The following ZNF407 variants were observed in gnomAD, a reference collection of about 807,000 sequenced individuals.
ZNF407 encodes zinc finger protein 407.
Under a neutral mutation model 131.2 loss-of-function variants are expected in ZNF407, and 17 were observed. That is an observed-to-expected ratio of 0.13 (90% CI 0.09 to 0.19). The LOEUF (loss-of-function observed/expected upper bound fraction) is 0.19, where lower values mean the gene tolerates loss of function less well. Ranked by LOEUF, ZNF407 falls within the 10% of genes least tolerant of loss-of-function variation. The pLI, the probability that ZNF407 is intolerant of heterozygous loss-of-function variation, is 1.00. For synonymous variants in ZNF407, 1,156 were observed against 1,062.0 expected, an observed-to-expected ratio of 1.09 and a Z score of -1.72; for missense variants, 2,681 against 2,830.6, an observed-to-expected ratio of 0.95 and a Z score of 1.20.
chr18:74,659,779 T>C (rs1340077599), intron 3 of ZNF407, among the ~76,000 whole-genome samples: 1 of 152,152 alleles, frequency 6.6e-6, no homozygotes, highest in Non-Finnish European at 1.5e-5. Context: ...AGTGTGTCAG[T>C]ATTAATAAAA....
At chr18:74,796,509 T>C (rs2145060524) in intron 4 of ZNF407, among the ~76,000 whole-genome samples, 1 of 152,320 alleles carries the variant, frequency 6.6e-6, no homozygotes, top group South Asian at 2.1e-4. Context: ...ATGTTCAGTA[T>C]AGTAATGTCG....
At chr18:74,815,534 C>CT (rs1421168587) in intron 4 of ZNF407, among the ~76,000 whole-genome samples, 2 of 152,148 alleles carry the variant, frequency 1.3e-5, no homozygotes, top group African/African-American at 2.4e-5. Context: ...CTGTTTATGT[C>CT]ATACACTAGC....
chr18:74,655,721 G>C (rs1244328439), intron 3 of ZNF407, among the ~76,000 whole-genome samples: 1 of 152,174 alleles, frequency 6.6e-6, no homozygotes, highest in African/African-American at 2.4e-5. Flanking sequence ...GTGTGTGGGT[G>C]TGAGTGCACA....
At chr18:74,886,733 A>G (rs957927848) in intron 6 of ZNF407, among the ~76,000 whole-genome samples, 1 of 152,222 alleles carries the variant, frequency 6.6e-6, no homozygotes, top group African/African-American at 2.4e-5. Flanking sequence ...TGGTGGCTTG[A>G]CAAAGGGATG....
chr18:74,999,216 G>A (rs1194867486), intron 8 of ZNF407, among the ~76,000 whole-genome samples: 1 of 92,318 alleles, frequency 1.1e-5, no homozygotes, highest in Non-Finnish European at 2.2e-5. Context: ...GGGGAGGGGG[G>A]AGGGATAGCA....
At chr18:74,846,720 A>G (rs1370297863) in intron 4 of ZNF407, among the ~76,000 whole-genome samples, 2 of 151,420 alleles carry the variant, frequency 1.3e-5, no homozygotes, top group African/African-American at 4.9e-5. Flanking sequence ...ACAGCCAGGC[A>G]CCTTGGCTCA....
chr18:74,789,661 T>G (rs1487572067), intron 4 of ZNF407, among the ~76,000 whole-genome samples: 1 of 152,150 alleles, frequency 6.6e-6, no homozygotes, highest in African/African-American at 2.4e-5. Flanking sequence ...CCTGGGCTGG[T>G]GGATTCGCAG....
At chr18:75,025,465 G>A (rs1973160035) in intron 8 of ZNF407, among the ~76,000 whole-genome samples, 1 of 152,152 alleles carries the variant, frequency 6.6e-6, no homozygotes, top group Non-Finnish European at 1.5e-5. Flanking sequence ...TATCAGCATA[G>A]GGTTATAAAT....
chr18:75,053,614 G>A (rs1973527311), intron 8 of ZNF407, among the ~76,000 whole-genome samples: 1 of 152,202 alleles, frequency 6.6e-6, no homozygotes, highest in Non-Finnish European at 1.5e-5. Context: ...CAGATACTCT[G>A]CAACTTTCAA....
chr18:74,677,988 T>G (rs1010748500), intron 3 of ZNF407, among the ~76,000 whole-genome samples: 2 of 152,060 alleles, frequency 1.3e-5, no homozygotes, highest in African/African-American at 4.8e-5. Flanking sequence ...GCCTGGCTAA[T>G]TTTTGTATTT....
Position 74,863,144 on chromosome 18 carries a change from C to T in ZNF407, c.4878-14053C>T, listed in dbSNP as rs549150862. On this transcript the variant is annotated intron_variant, in intron 4 of 8. Coordinates refer to ENST00000299687, the MANE Select transcript of ZNF407 (RefSeq NM_017757.3). ...CCATGTTGACCAGGCTGGTCTTGAACTCCTGTCCTCAGGTGATCCTCCCAC... is the reference window on the plus strand; with the variant it reads ...CCATGTTGACCAGGCTGGTCTTGAATTCCTGTCCTCAGGTGATCCTCCCAC... Among the ~76,000 whole-genome samples, 8 of 151,918 alleles carry T rather than the reference C, an allele frequency of 5.3e-5. No homozygotes were observed. The East Asian group carries it at 1.6e-3, about 30-fold the overall frequency.
chr18:74,705,072 CCTTGCTGAG>C (rs11469502), intron 3 of ZNF407, among the ~76,000 whole-genome samples: 12,666 of 152,094 alleles, frequency 0.083, 703 homozygotes, highest in African/African-American at 0.16. Context: ...TCAAGTTATG[CCTTGCTGAG>C]TTTCTTCCAC....
At chr18:75,017,007 G>A (rs944655587) in intron 8 of ZNF407, among the ~76,000 whole-genome samples, 18 of 152,094 alleles carry the variant, frequency 1.2e-4, no homozygotes, top group Non-Finnish European at 5.9e-5. Context: ...CAGGACTCGA[G>A]TGTAAGCTGA....
intron 8 of ZNF407, among the ~76,000 whole-genome samples, chr18:74,991,979 T>G (rs959393964): frequency 1.2e-4 from 19 of 152,232 alleles, no homozygotes; most frequent in African/African-American, 4.1e-4. Flanking sequence ...CAGCTTCGCA[T>G]GGCACCAGGA....
intron 8 of ZNF407, among the ~76,000 whole-genome samples, chr18:74,923,391 AT>A (rs1971872244): frequency 6.6e-6 from 1 of 151,518 alleles, no homozygotes; most frequent in Non-Finnish European, 1.5e-5. Context: ...AATATGAATT[AT>A]TTTAATTCTT....
intron 4 of ZNF407, among the ~76,000 whole-genome samples, chr18:74,795,910 C>T (rs1444519482): frequency 3.3e-5 from 5 of 152,242 alleles, no homozygotes; most frequent in African/African-American, 1.2e-4. Context: ...AGTGAGAGTC[C>T]TCCACATGTG....
chr18:74,819,097 G>T (rs571529892), intron 4 of ZNF407, among the ~76,000 whole-genome samples: 1 of 152,158 alleles, frequency 6.6e-6, no homozygotes, highest in East Asian at 1.9e-4. Context: ...AGCCGCCTTG[G>T]TCAAGTATTC....
intron 1 of ZNF407, among the ~76,000 whole-genome samples, chr18:74,604,785 C>T (rs901487572): frequency 6.6e-6 from 1 of 152,164 alleles, no homozygotes; most frequent in Non-Finnish European, 1.5e-5. Context: ...TGTAATCCCC[C>T]CAAATCTTTT....
chr18:75,021,063 A>C (rs1215724398), intron 8 of ZNF407, among the ~76,000 whole-genome samples: 4 of 152,120 alleles, frequency 2.6e-5, no homozygotes, highest in Non-Finnish European at 5.9e-5. Flanking sequence ...TCCCCTTTTA[A>C]GAGGAGAAAA....
Sources: gnomAD v4.1 joint callset for allele counts (sites outside exome capture counted in the v4.1 genomes callset) on GRCh38, gnomAD v4.1.1 for gene constraint, MANE v1.5 for transcripts, NCBI Gene and HGNC (gene_info 2026-07-23, HGNC 2026-07-21) for gene names.